Variants in GALC observed in about 807,000 individuals in gnomAD.
The protein encoded by GALC is galactosylceramidase.
Under a neutral mutation model 91.8 loss-of-function variants are expected in GALC, and 77 were observed. The observed-to-expected ratio is 0.84, with a 90% confidence interval of 0.70 to 1.01. GALC has a LOEUF of 1.01. Ranked by LOEUF, GALC falls within the 50% of genes least tolerant of loss-of-function variation. GALC has a pLI of 0.00. For missense variants in GALC, 882 were observed against 855.9 expected (o/e 1.03, Z -0.38); for synonymous variants, 357 against 306.7 (o/e 1.16, Z -1.71).
Position 87,934,146 on chromosome 14 carries a change from T to A in GALC, c.*586A>T, listed in dbSNP as rs2139923959. The A allele has an allele frequency of 7.0e-7, 1 of 1,424,848 alleles. No individual in the cohort carries two copies. Among genetic ancestry groups the A allele is most frequent in the South Asian group, 1.6e-5 (1 of 63,896 alleles). 88.3% of individuals were successfully genotyped at this position (1,424,848 alleles called of 1,614,324 possible). A position where few individuals can be genotyped will look rare whatever the true frequency, so the allele number is the denominator to read the frequency against. On this transcript the variant is annotated 3_prime_UTR_variant, in exon 17 of 17. Transcript: ENST00000261304. ...GAGGTAGTTTATTAAAGAGGCATTT[T>A]TAAAATCATCCCACTCATCATATCC...
chr14:87,966,599 CTAGTGAATATTT>C (rs1170249537), intron 8 of GALC, among the ~76,000 whole-genome samples: 2 of 152,160 alleles, frequency 1.3e-5, no homozygotes, highest in East Asian at 3.8e-4. Context: ...CACCTTACTA[CTAGTGAATATTT>C]TAAGTTCTTA....
rs1394975427 is a variant in GALC at position 87,968,344 on chromosome 14, T to C, written c.899A>G (p.Tyr300Cys). Residue 300 changes from tyrosine to cysteine, a missense_variant, in exon 8 of 17, where the codon TAT becomes TGT. Physicochemically the swap from Tyr to Cys is radical, Grantham distance 194. Transcript: ENST00000261304. The part of the protein sequence containing the change: ...RILNQNYING[Y>C]MTSTIAWNLV... The stretch of plus-strand genomic sequence containing the variant: ...GTTTTTAATAACTTACGAAGTCATA[T>C]AGCCATTGATATAATTCTGATTTAA... The C allele has an allele frequency of 2.5e-6, 4 of 1,612,492 alleles. No homozygotes were observed. The South Asian group carries it at 3.3e-5, about 13-fold the overall frequency.
At chr14:87,985,200 T>C (rs1886919060) in intron 4 of GALC, among the ~76,000 whole-genome samples, 1 of 151,236 alleles carries the variant, frequency 6.6e-6, no homozygotes, top group Non-Finnish European at 1.5e-5. Context: ...ATTATAATTC[T>C]AAATTTAACT....
At chr14:87,938,145 C>T (rs535269338) in intron 16 of GALC, among the ~76,000 whole-genome samples, 13 of 152,082 alleles carry the variant, frequency 8.5e-5, no homozygotes, top group African/African-American at 3.1e-4. Flanking sequence ...TCTTGCTCTG[C>T]CTGGCTGTCA....
intron 1 of GALC, chr14:87,992,599 G>A: frequency 6.9e-7 from 1 of 1,455,184 alleles, no homozygotes; most frequent in South Asian, 1.4e-5. Flanking sequence ...GGCCCTTTCT[G>A]GAGCGACGCT....
intron 7 of GALC, among the ~76,000 whole-genome samples, chr14:87,975,493 A>G (rs931612029): frequency 5.9e-5 from 9 of 152,146 alleles, no homozygotes; most frequent in African/African-American, 2.2e-4. Flanking sequence ...ACACATACAC[A>G]GTAATATTTT....
At chr14:87,955,133 T>C in intron 10 of GALC, 1 of 1,347,380 alleles carries the variant, frequency 7.4e-7, no homozygotes, top group Non-Finnish European at 1.1e-6. Context: ...AGCTATCCAT[T>C]ACAACAAGAT....
chr14:87,984,997 T>C (rs138004711), intron 4 of GALC, among the ~76,000 whole-genome samples: 215 of 152,334 alleles, frequency 1.4e-3, no homozygotes, highest in South Asian at 7.0e-3. Flanking sequence ...TCTTACAATT[T>C]AGGGTCCTTA....
chr14:87,984,443 C>T lies in GALC; in HGVS notation c.533G>A (p.Trp178Ter), dbSNP rs968905231. 1.2e-6 allele frequency: 2 copies of T among 1,614,054 alleles called. No homozygotes were observed. The highest frequency in any genetic ancestry group is 1.7e-6 in the Non-Finnish European group (2 of 1,179,980). ...ATGGTAACGCTTGGCGCCCACAATC[C>T]AGGTCACGACATAATAGGCAGTCAG... ...LQLTAYYVVT[W>*]IVGAKRYHDL... is the part of the protein sequence containing the mutation. Residue 178 changes from tryptophan (W) to a stop codon, truncating the protein, a stop_gained, in exon 5 of 17, where the codon TGG becomes TAG. Coordinates refer to ENST00000261304, the MANE Select transcript of GALC (RefSeq NM_000153.4). LOFTEE classifies it high-confidence loss of function.
At chr14:87,984,065 AAC>A (rs1886861364) in intron 5 of GALC, among the ~76,000 whole-genome samples, 1 of 151,762 alleles carries the variant, frequency 6.6e-6, no homozygotes, top group Non-Finnish European at 1.5e-5. Context: ...CTGTATAGGA[AAC>A]ACAACACTGT....
rs981178421 is a variant in GALC, at chr14:87,992,295, C to A, written c.195+675G>T. 4.6e-6 allele frequency: 7 copies of A among 1,535,688 alleles called. No homozygotes were observed. The South Asian group carries it at 5.9e-5, about 13-fold the overall frequency. The stretch of plus-strand genomic sequence containing the variant: ...CGGATACAAAACCAAAAAACAAAAA[C>A]CTTCTCACCCAAAGGTCGGCCACCA... On this transcript the variant is annotated intron_variant, in intron 1 of 16. Coordinates refer to ENST00000261304, the MANE Select transcript of GALC (RefSeq NM_000153.4).
Position 87,933,774 on chromosome 14 carries a change from G to T in GALC, c.*958C>A. 2.0e-6 allele frequency: 1 copy of T among 504,712 alleles called. No individual in the cohort carries two copies. The highest frequency in any genetic ancestry group is 3.5e-6 in the Non-Finnish European group (1 of 284,388). The allele number at this position is 504,712 out of a possible 1,614,324, so 31.3% of individuals were successfully genotyped here. On this transcript the variant is annotated 3_prime_UTR_variant, in exon 17 of 17. Transcript: ENST00000261304. ...CGTATATTTAAATATAAACATATTT[G>T]GACTTTAAAAAGTAAGTACATCTTA...
chr14:87,950,040 T>C, intron 11 of GALC, 109 bp from the exon 12 acceptor site: 1 of 656,586 alleles, frequency 1.5e-6, no homozygotes, highest in South Asian at 1.8e-5. Context: ...TTATCTCTAT[T>C]TATCAAGAGA....
intron 1 of GALC, chr14:87,992,489 A>C: frequency 2.6e-5 from 39 of 1,523,478 alleles, no homozygotes; most frequent in East Asian, 1.0e-4. Context: ...CACGGGACTT[A>C]ACGACTCCAC....
intron 9 of GALC, among the ~76,000 whole-genome samples, chr14:87,964,460 T>G (rs930978442): frequency 2.6e-5 from 4 of 152,142 alleles, no homozygotes; most frequent in African/African-American, 9.6e-5. Context: ...GTTTATAATC[T>G]TTTACAAAAA....
intron 7 of GALC, among the ~76,000 whole-genome samples, chr14:87,969,787 T>C (rs74073732): frequency 1.3e-5 from 2 of 152,318 alleles, no homozygotes; most frequent in African/African-American, 4.8e-5. Context: ...GGTAATTCTT[T>C]ATACCTAGTG....
chr14:87,935,263 C>A (rs1331488593), intron 16 of GALC, among the ~76,000 whole-genome samples: 1 of 152,080 alleles, frequency 6.6e-6, no homozygotes. Context: ...CTAACAGCCA[C>A]CAGCTCTTCA....
At chr14:87,963,325 A>G (rs1246320284) in intron 10 of GALC, 59 bp downstream of exon 10, 1 of 1,533,618 alleles carries the variant, frequency 6.5e-7, no homozygotes, top group African/African-American at 1.4e-5. Flanking sequence ...TCAGTTTTAT[A>G]TTTTATTTTT....
chr14:87,944,019 T>C (rs147771292), intron 14 of GALC, among the ~76,000 whole-genome samples: 8 of 152,018 alleles, frequency 5.3e-5, no homozygotes, highest in South Asian at 4.1e-4. Flanking sequence ...ACACGCAAAA[T>C]TGCAACTTCC....
Sources: allele counts gnomAD v4.1 joint callset (sites outside exome capture counted in the v4.1 genomes callset), GRCh38; gene constraint gnomAD v4.1.1; transcripts MANE v1.5; gene names NCBI Gene and HGNC (gene_info 2026-07-23, HGNC 2026-07-21).